MORF4L1: variants seen among roughly 807,000 people sequenced by gnomAD.
MORF4L1 encodes mortality factor 4 like 1, also known as mortality factor 4-like protein 1.
A neutral mutation model predicts 52.9 loss-of-function variants in MORF4L1; 4 were observed. The ratio of observed to expected loss-of-function variants is 0.08; its 90% CI spans 0.04 to 0.17. The LOEUF is 0.17. MORF4L1 is among the 10% of genes least tolerant of loss of function. The probability of loss-of-function intolerance (pLI) is 1.00; values close to 1 mark genes in which losing one functional copy is unlikely to be tolerated. For missense variants in MORF4L1, 214 were observed against 390.4 expected (o/e 0.55, Z 3.81); for synonymous variants, 123 against 134.8 (o/e 0.91, Z 0.61).
At chr15:78,875,710 C>A (rs1444579071) in intron 1 of MORF4L1, among the ~76,000 whole-genome samples, 2 of 151,598 alleles carry the variant, frequency 1.3e-5, no homozygotes, top group East Asian at 3.9e-4. Context: ...CGCTTGAACC[C>A]GGGAGTCGGA....
intron 1 of MORF4L1, 174 bp downstream of exon 1, chr15:78,873,231 GAGAA>G (rs931830453): frequency 1.9e-5 from 28 of 1,510,918 alleles, no homozygotes; most frequent in Admixed American, 2.6e-5. Flanking sequence ...GCGTCATTGT[GAGAA>G]AGCGCTTTGT....
At chr15:78,896,195 T>C (rs2056884534) in intron 11 of MORF4L1, among the ~76,000 whole-genome samples, 1 of 152,044 alleles carries the variant, frequency 6.6e-6, no homozygotes, top group African/African-American at 2.4e-5. Flanking sequence ...GCCAGGCTGA[T>C]CTTGAACTCC....
At chr15:78,879,410 C>T (rs62013163) in intron 2 of MORF4L1, among the ~76,000 whole-genome samples, 1,562 of 152,174 alleles carry the variant, frequency 0.01, 16 homozygotes, top group Middle Eastern at 0.024. Flanking sequence ...TTAGTAGAGA[C>T]GGGGTTTCAC....
At chr15:78,894,400 T>C (rs931954878) in intron 10 of MORF4L1, 170 bp downstream of exon 10, 1 of 507,208 alleles carries the variant, frequency 2.0e-6, no homozygotes. Flanking sequence ...TTAAAAATCG[T>C]GTATTTTATT....
rs1423746169 is a variant in MORF4L1, at chr15:78,891,570, A to T, written c.436A>T (p.Asn146Tyr). ...KRARVDPTVE[N>Y]EETFMNRVEV... ...GGCCCGGGTAGATCCTACTGTTGAA[A>T]ATGTGAGTTTTTCTTGTGTTTATGA... The change falls in exon 7 of 12, where the codon AAT (asparagine) becomes TAT (tyrosine). Residue 146 changes from asparagine (N) to tyrosine (Y), a missense_variant and splice_region_variant. Physicochemically the swap from Asn to Tyr is moderately radical, Grantham distance 143 (BLOSUM62 -2). Coordinates refer to ENST00000426013, the MANE Select transcript of MORF4L1 (RefSeq NM_006791.4). The T allele has an allele frequency of 1.2e-6, 2 of 1,610,778 alleles. No homozygotes were observed. The highest frequency in any genetic ancestry group is 3.3e-5 in the Admixed American group (2 of 59,862).
intron 5 of MORF4L1, among the ~76,000 whole-genome samples, chr15:78,888,674 C>G (rs1040204888): frequency 6.6e-6 from 1 of 152,096 alleles, no homozygotes; most frequent in Non-Finnish European, 1.5e-5. Flanking sequence ...GCCAGGAGTT[C>G]TAGGCTGCAG....
In MORF4L1 at chr15:78,898,036, T is replaced by C. The variant is rs2056918029; in HGVS notation, c.*969T>C. ...TGTGTAAAATTATGGTCAGCTTTTT[T>C]CTGTCTATAATTGTTTACTTTTGTG... On this transcript the variant is annotated 3_prime_UTR_variant, in exon 12 of 12. Coordinates refer to ENST00000426013, the MANE Select transcript of MORF4L1 (RefSeq NM_006791.4). The C allele has an allele frequency of 6.6e-6, 1 of 152,224 alleles. No homozygotes were observed. The highest frequency in any genetic ancestry group is 2.4e-5 in the African/African-American group (1 of 41,462). The allele number at this position is 152,224 out of a possible 1,614,324, so 9.4% of individuals were successfully genotyped here.
intron 3 of MORF4L1, among the ~76,000 whole-genome samples, chr15:78,884,766 C>T (rs1346898428): frequency 1.3e-5 from 2 of 151,832 alleles, no homozygotes; most frequent in East Asian, 1.9e-4. Context: ...AACCTTAATC[C>T]CTAAATTGGA....
chr15:78,892,362 C>A (rs1206528469), intron 8 of MORF4L1, 49 bp downstream of exon 8: 8 of 1,380,296 alleles, frequency 5.8e-6, no homozygotes, highest in African/African-American at 1.5e-5. Flanking sequence ...TACATTCTTG[C>A]TAGCAAAAAA....
At chr15:78,895,045 C>T in intron 11 of MORF4L1, 141 bp downstream of exon 11, 2 of 672,300 alleles carry the variant, frequency 3.0e-6, no homozygotes, top group Non-Finnish European at 5.2e-6. Context: ...AAAGTAAGTG[C>T]AAACACATGG....
chr15:78,887,170 C>G (rs570909505), intron 4 of MORF4L1, 99 bp from the exon 5 acceptor site: 1 of 1,009,744 alleles, frequency 9.9e-7, no homozygotes, highest in Admixed American at 2.4e-5. Flanking sequence ...AAACTTGTTG[C>G]CAGAATTTGA....
chr15:78,880,456 A>T, intron 2 of MORF4L1, 56 bp from the exon 3 acceptor site: 1 of 1,269,358 alleles, frequency 7.9e-7, no homozygotes, highest in Non-Finnish European at 1.1e-6. Context: ...TGATTTGAAA[A>T]GGTAGTGTCT....
intron 3 of MORF4L1, among the ~76,000 whole-genome samples, 160 bp downstream of exon 3, chr15:78,880,739 A>G (rs972189882): frequency 2.7e-4 from 41 of 152,224 alleles, no homozygotes; most frequent in Non-Finnish European, 5.7e-4. Flanking sequence ...ACTATTAGAA[A>G]TTAGGGTACT....
At chr15:78,890,916 C>T (rs1437556044) in intron 5 of MORF4L1, 73 bp from the exon 6 acceptor site, 1 of 1,295,556 alleles carries the variant, frequency 7.7e-7, no homozygotes, top group African/African-American at 1.5e-5. Flanking sequence ...TGAACTTAAC[C>T]CTGATAAAGG....
chr15:78,896,188 A>G (rs932532553), intron 11 of MORF4L1, among the ~76,000 whole-genome samples: 1 of 152,012 alleles, frequency 6.6e-6, no homozygotes, highest in Non-Finnish European at 1.5e-5. Flanking sequence ...CATGTTGGCC[A>G]GGCTGATCTT....
At chr15:78,886,320 T>A in intron 4 of MORF4L1, 93 bp downstream of exon 4, 1 of 1,122,960 alleles carries the variant, frequency 8.9e-7, no homozygotes, top group East Asian at 2.4e-5. Context: ...TTGGCTGCCC[T>A]GCCTATAAAA....
At chr15:78,896,736 C>G (rs2056896895) in intron 11 of MORF4L1, among the ~76,000 whole-genome samples, 1 of 152,128 alleles carries the variant, frequency 6.6e-6, no homozygotes, top group South Asian at 2.1e-4. Flanking sequence ...CATAACTGTT[C>G]TTTGCTGTTT....
At chr15:78,884,035 C>T (rs935646322) in intron 3 of MORF4L1, among the ~76,000 whole-genome samples, 1 of 151,286 alleles carries the variant, frequency 6.6e-6, no homozygotes, top group African/African-American at 2.4e-5. Flanking sequence ...GAAATCCCGT[C>T]TCTAGTAAAA....
Position 78,894,913 on chromosome 15 carries a change from G to C in MORF4L1, c.887+9G>C, listed in dbSNP as rs1184823989. 6.2e-7 allele frequency: 1 copy of C among 1,603,186 alleles called. No homozygotes were observed. Among genetic ancestry groups the C allele is most frequent in the Non-Finnish European group, 8.5e-7 (1 of 1,170,132 alleles). ...CTTCACGATTTCCTAAAGTAAGTCT[G>C]TGCTTGAAATTATAAACATGGATTT... On this transcript the variant is annotated intron_variant, in intron 11 of 11. Coordinates refer to ENST00000426013, the MANE Select transcript of MORF4L1 (RefSeq NM_006791.4).
Sources: allele counts gnomAD v4.1 joint callset (sites outside exome capture counted in the v4.1 genomes callset), GRCh38; gene constraint gnomAD v4.1.1; transcripts MANE v1.5; gene names NCBI Gene and HGNC (gene_info 2026-07-23, HGNC 2026-07-21).